Variants in SLC2A13 observed in about 807,000 individuals in gnomAD.
SLC2A13 encodes solute carrier family 2 member 13.
Under a neutral mutation model 64.4 loss-of-function variants are expected in SLC2A13, and 32 were observed. The observed-to-expected ratio is 0.50, with a 90% CI of 0.37 to 0.67. The LOEUF (loss-of-function observed/expected upper bound fraction) is 0.67. Among genes scored for constraint, SLC2A13 ranks in the 30% least tolerant of loss-of-function variants. The pLI, the probability that SLC2A13 is intolerant of heterozygous loss-of-function variation, is 0.00. For missense variants in SLC2A13, 743 were observed against 829.2 expected, an observed-to-expected ratio of 0.90 and a Z score of 1.28; for synonymous variants, 338 against 327.1, an observed-to-expected ratio of 1.03 and a Z score of -0.36.
At chr12:39,879,104 T>C (rs1175667815) in intron 4 of SLC2A13, among the ~76,000 whole-genome samples, 2 of 152,258 alleles carry the variant, frequency 1.3e-5, no homozygotes, top group South Asian at 2.1e-4. Context: ...GTGTTAAGCC[T>C]ATAGATATGC....
chr12:39,827,094 T>C (rs957629603), intron 7 of SLC2A13, among the ~76,000 whole-genome samples: 7 of 151,828 alleles, frequency 4.6e-5, no homozygotes, highest in African/African-American at 1.2e-4. Context: ...TTGCTTCCCA[T>C]GGACATCTCA....
In SLC2A13 at chr12:39,760,223, C is replaced by G. The variant is rs764773939; in HGVS notation, c.1750G>C (p.Ala584Pro). ...CCATAGATGAAAAGGAGTCCCACAG[C>G]AGCAAATCCAGCATAGAGGAAGAAA... ...GAFFLYAGFAAVGLLFIYGCL... is the reference protein window; with the variant it reads ...GAFFLYAGFAPVGLLFIYGCL... The change falls in exon 10 of 10, where the codon GCT becomes CCT. Residue 584 changes from alanine (A) to proline (P), a missense_variant. By Grantham distance (27) the Ala-to-Pro change is conservative. Around this residue, in one of 2 missense-constraint regions of SLC2A13, gnomAD observed 295 missense variants for 381.7 expected, o/e 0.77. Coordinates refer to ENST00000280871, the MANE Select transcript of SLC2A13 (RefSeq NM_052885.4). 6.2e-7 allele frequency: 1 copy of G among 1,612,284 alleles called. No homozygotes were observed. The highest frequency in any genetic ancestry group is 8.5e-7 in the Non-Finnish European group (1 of 1,179,078).
At chr12:40,083,046 A>G (rs1592069137) in intron 1 of SLC2A13, among the ~76,000 whole-genome samples, 1 of 152,028 alleles carries the variant, frequency 6.6e-6, no homozygotes, top group East Asian at 1.9e-4. Context: ...TCCTGTCTGC[A>G]TCTAGTCAGC....
At chr12:39,771,312 T>C (rs1024761142) in intron 7 of SLC2A13, among the ~76,000 whole-genome samples, 5 of 152,108 alleles carry the variant, frequency 3.3e-5, no homozygotes, top group Admixed American at 6.6e-5. Context: ...ACAGGACATA[T>C]GTGATTAAGT....
chr12:39,959,202 C>T (rs1388121863), intron 3 of SLC2A13, among the ~76,000 whole-genome samples: 1 of 152,162 alleles, frequency 6.6e-6, no homozygotes, highest in African/African-American at 2.4e-5. Flanking sequence ...TTTTCCTCTT[C>T]AATATGCAGC....
At chr12:40,086,757 C>T (rs565582520) in intron 1 of SLC2A13, among the ~76,000 whole-genome samples, 5 of 152,290 alleles carry the variant, frequency 3.3e-5, no homozygotes, top group East Asian at 1.9e-4. Context: ...ATAGGTAGTG[C>T]GATTATGTGT....
chr12:39,788,620 T>C (rs1380989964), intron 7 of SLC2A13: 4 of 152,156 alleles, frequency 2.6e-5, no homozygotes, highest in Admixed American at 2.6e-4. Flanking sequence ...AAACCATGGA[T>C]AAGGGAGGAC....
At chr12:39,763,425 C>T (rs1566758422) in intron 9 of SLC2A13, among the ~76,000 whole-genome samples, 1 of 151,872 alleles carries the variant, frequency 6.6e-6, no homozygotes, top group Non-Finnish European at 1.5e-5. Context: ...AAAATTTATC[C>T]ATGTATTTAT....
chr12:39,841,707 T>C (rs1269005652), intron 6 of SLC2A13, among the ~76,000 whole-genome samples: 1 of 152,034 alleles, frequency 6.6e-6, no homozygotes, highest in African/African-American at 2.4e-5. Flanking sequence ...ACAAATATAA[T>C]CTAATTAGTG....
intron 7 of SLC2A13, among the ~76,000 whole-genome samples, chr12:39,768,006 A>T (rs1940424623): frequency 6.6e-6 from 1 of 152,106 alleles, no homozygotes; most frequent in Non-Finnish European, 1.5e-5. Context: ...TAGCAGTGTG[A>T]GACCAGACTA....
Position 39,756,370 on chromosome 12 carries a change from A to C in SLC2A13, c.*3656T>G, listed in dbSNP as rs1939969449. Reference sequence around the variant, plus strand: ...ATTAAAAACTTGTCACAACAAGTGAATAAAAGTCAGTTGTTAGGTACTTAG... The same window carrying C: ...ATTAAAAACTTGTCACAACAAGTGACTAAAAGTCAGTTGTTAGGTACTTAG... On this transcript the variant is annotated 3_prime_UTR_variant, in exon 10 of 10. Transcript: ENST00000280871. 1 of 151,934 alleles carries C rather than the reference A, an allele frequency of 6.6e-6. No homozygotes were observed. Among genetic ancestry groups the C allele is most frequent in the South Asian group, 2.1e-4 (1 of 4,830 alleles). 9.4% of individuals were successfully genotyped at this position (151,934 alleles called of 1,614,324 possible).
At chr12:39,769,971 G>T (rs1056679531) in intron 7 of SLC2A13, among the ~76,000 whole-genome samples, 2 of 151,990 alleles carry the variant, frequency 1.3e-5, no homozygotes. Flanking sequence ...TCTTAATCTT[G>T]ATGCTCTTTG....
intron 7 of SLC2A13, among the ~76,000 whole-genome samples, chr12:39,769,721 T>G (rs1940493240): frequency 6.6e-6 from 1 of 151,924 alleles, no homozygotes; most frequent in African/African-American, 2.4e-5. Flanking sequence ...TTCCCTTCTG[T>G]CTACAATACA....
At chr12:40,068,393 C>A in intron 1 of SLC2A13, 1 of 324,292 alleles carries the variant, frequency 3.1e-6, no homozygotes, top group Non-Finnish European at 5.9e-6. Flanking sequence ...CAGTTTAGGC[C>A]AACATGGTGT....
intron 7 of SLC2A13, among the ~76,000 whole-genome samples, chr12:39,812,412 TCCTTCCTTCCTG>T (rs199856064): frequency 0.021 from 3,024 of 145,288 alleles, 37 homozygotes; most frequent in South Asian, 0.031. Context: ...CTTCCTTCCT[TCCTTCCTTCCTG>T]CCTTCCTTCC....
chr12:39,902,594 C>T (rs906835167), intron 4 of SLC2A13, among the ~76,000 whole-genome samples: 2 of 152,000 alleles, frequency 1.3e-5, no homozygotes, highest in African/African-American at 4.8e-5. Context: ...TTATCTTGTC[C>T]TCACAAAAGT....
At chr12:39,763,196 C>A (rs1426412279) in intron 9 of SLC2A13, among the ~76,000 whole-genome samples, 2 of 152,066 alleles carry the variant, frequency 1.3e-5, no homozygotes, top group Non-Finnish European at 2.9e-5. Context: ...GCTGAATATA[C>A]TAAATATATA....
At chr12:39,900,694 C>A (rs1380329671) in intron 4 of SLC2A13, among the ~76,000 whole-genome samples, 1 of 152,062 alleles carries the variant, frequency 6.6e-6, no homozygotes, top group African/African-American at 2.4e-5. Context: ...AAAGAGGATA[C>A]AAACAAATGG....
intron 7 of SLC2A13, among the ~76,000 whole-genome samples, chr12:39,794,644 C>T (rs1941516957): frequency 6.6e-6 from 1 of 152,136 alleles, no homozygotes; most frequent in African/African-American, 2.4e-5. Context: ...TACTTCACTT[C>T]CATTTTCTGT....
Sources: gnomAD v4.1 joint callset for allele counts (sites outside exome capture counted in the v4.1 genomes callset) on GRCh38, gnomAD v4.1.1 for gene constraint, gnomAD v4.1.1 regional missense constraint, MANE v1.5 for transcripts, NCBI Gene and HGNC (gene_info 2026-07-23, HGNC 2026-07-21) for gene names.